The following SMYD3 variants were observed in gnomAD, a reference collection of about 807,000 sequenced individuals.
SMYD3 encodes the protein SET and MYND domain containing 3.
Under a neutral mutation model 57.7 loss-of-function variants are expected in SMYD3, and 36 were observed. The ratio of observed to expected loss-of-function variants is 0.62; its 90% CI spans 0.48 to 0.82. The LOEUF is 0.82. Ranked by LOEUF, SMYD3 falls within the 40% of genes least tolerant of loss-of-function variation. The probability of loss-of-function intolerance (pLI) is 0.00; values close to 1 mark genes in which losing one functional copy is unlikely to be tolerated. For synonymous variants in SMYD3, 211 were observed against 195.0 expected, an observed-to-expected ratio of 1.08 and a Z score of -0.68; for missense variants, 515 against 538.8, an observed-to-expected ratio of 0.96 and a Z score of 0.44.
chr1:245,877,333 G>T (rs2052543066), intron 8 of SMYD3, among the ~76,000 whole-genome samples: 1 of 152,186 alleles, frequency 6.6e-6, no homozygotes, highest in South Asian at 2.1e-4. Context: ...GGAGATAAAG[G>T]TTTAGATATG....
intron 1 of SMYD3, among the ~76,000 whole-genome samples, chr1:246,369,478 CA>C (rs1447303731): frequency 6.6e-6 from 1 of 152,168 alleles, no homozygotes; most frequent in Non-Finnish European, 1.5e-5. Flanking sequence ...TAGATGTGGT[CA>C]AAATTGTACA....
intron 5 of SMYD3, among the ~76,000 whole-genome samples, chr1:246,282,357 G>C (rs549760006): frequency 5.1e-4 from 71 of 139,966 alleles, no homozygotes; most frequent in African/African-American, 1.8e-3. Context: ...AAATTAGCTG[G>C]GGGTGGTGTT....
intron 5 of SMYD3, among the ~76,000 whole-genome samples, chr1:246,087,987 A>T (rs2787990): frequency 6.6e-6 from 1 of 151,906 alleles, no homozygotes; most frequent in East Asian, 1.9e-4. Context: ...AAAAACATAC[A>T]TCTCACTAAT....
intron 5 of SMYD3, among the ~76,000 whole-genome samples, chr1:246,060,599 A>G (rs748121836): frequency 6.6e-6 from 1 of 151,624 alleles, no homozygotes; most frequent in Non-Finnish European, 1.5e-5. Context: ...ATGATCCCTC[A>G]GTCATTACTA....
At chr1:246,176,775 G>A (rs1392277553) in intron 5 of SMYD3, among the ~76,000 whole-genome samples, 2 of 152,046 alleles carry the variant, frequency 1.3e-5, no homozygotes, top group Non-Finnish European at 2.9e-5. Context: ...TGCTCACCTC[G>A]GCCTCCCAAA....
chr1:246,237,507 C>T (rs72774484), intron 5 of SMYD3, among the ~76,000 whole-genome samples: 31,556 of 152,074 alleles, frequency 0.21, 3,994 homozygotes, highest in East Asian at 0.58. Context: ...TCTCTTCAGA[C>T]TGGATTTTAG....
chr1:246,377,561 G>T (rs966512552), intron 1 of SMYD3, among the ~76,000 whole-genome samples: 3 of 151,816 alleles, frequency 2.0e-5, no homozygotes, highest in Non-Finnish European at 4.4e-5. Context: ...TAGAGATAGG[G>T]TTTCTCCATG....
chr1:245,767,343 C>T (rs182880619), intron 10 of SMYD3, among the ~76,000 whole-genome samples: 14 of 152,226 alleles, frequency 9.2e-5, no homozygotes, highest in East Asian at 7.7e-4. Context: ...ATTCCGGGTC[C>T]GGCCCCATAA....
chr1:245,838,366 C>T (rs2050206017), intron 10 of SMYD3, among the ~76,000 whole-genome samples: 1 of 152,170 alleles, frequency 6.6e-6, no homozygotes, highest in Non-Finnish European at 1.5e-5. Context: ...GAATAGGCAT[C>T]AGTTGGAAGC....
Position 246,153,804 on chromosome 1 carries a change from C to G in SMYD3, c.531+173397G>C, listed in dbSNP as rs367878623. 7.0e-4 allele frequency among the ~76,000 whole-genome samples: 107 copies of G among 152,224 alleles called. No homozygotes were observed. The South Asian group carries it at 0.02, about 29-fold the overall frequency. ...CTATTTTAAACAATCCCACCTTTAA[C>G]CTCATTCACCTCTAGCTACAACACT... On this transcript the variant is annotated intron_variant, in intron 5 of 11. Transcript: ENST00000490107.
intron 5 of SMYD3, among the ~76,000 whole-genome samples, chr1:246,046,490 G>A (rs189771807): frequency 1.0e-3 from 158 of 152,020 alleles, no homozygotes; most frequent in African/African-American, 3.7e-3. Flanking sequence ...CGGTGGGAGT[G>A]GGGAGGGATA....
chr1:246,401,039 T>C (rs2066759436), intron 1 of SMYD3, among the ~76,000 whole-genome samples: 1 of 152,182 alleles, frequency 6.6e-6, no homozygotes, highest in African/African-American at 2.4e-5. Context: ...TTTTAAAAAG[T>C]ATTCGAGGCA....
intron 11 of SMYD3, among the ~76,000 whole-genome samples, chr1:245,759,880 A>G (rs1300283098): frequency 6.7e-6 from 1 of 149,920 alleles, no homozygotes; most frequent in Non-Finnish European, 1.5e-5. Flanking sequence ...TGCAGCATGC[A>G]GGGTTCACAG....
intron 1 of SMYD3, among the ~76,000 whole-genome samples, chr1:246,413,524 G>C (rs978214903): frequency 5.9e-5 from 9 of 152,248 alleles, no homozygotes; most frequent in Non-Finnish European, 1.2e-4. Flanking sequence ...ATCTCACGCT[G>C]AATTGTAATC....
At chr1:245,783,965 T>C (rs1249407274) in intron 10 of SMYD3, among the ~76,000 whole-genome samples, 1 of 152,244 alleles carries the variant, frequency 6.6e-6, no homozygotes, top group Admixed American at 6.5e-5. Context: ...TCTCTCCAAA[T>C]TGATATATAG....
chr1:246,338,044 T>C lies in SMYD3; in HGVS notation c.229-2570A>G, dbSNP rs538775237. Among the ~76,000 whole-genome samples, 41 of 152,298 alleles carry C rather than the reference T, an allele frequency of 2.7e-4. No individual in the cohort carries two copies. The South Asian group carries it at 8.3e-3, about 31-fold the overall frequency. ...ATTCCTAGATCATTGCCTGAAAACA[T>C]ACTTATTTTCTCATTTGCTTCAGCA... On this transcript the variant is annotated intron_variant, in intron 2 of 11. Coordinates refer to ENST00000490107, the MANE Select transcript of SMYD3 (RefSeq NM_001167740.2).
intron 10 of SMYD3, among the ~76,000 whole-genome samples, chr1:245,789,844 A>C (rs903833361): frequency 6.6e-6 from 1 of 152,254 alleles, no homozygotes; most frequent in African/African-American, 2.4e-5. Flanking sequence ...TGATTAAAGA[A>C]AAATTCCATC....
intron 1 of SMYD3, among the ~76,000 whole-genome samples, chr1:246,391,728 A>G (rs968594921): frequency 6.6e-6 from 1 of 152,144 alleles, no homozygotes; most frequent in African/African-American, 2.4e-5. Context: ...AAAGCTAAAT[A>G]TGTAAAAAGG....
intron 8 of SMYD3, among the ~76,000 whole-genome samples, chr1:245,880,243 T>A (rs2052707955): frequency 6.6e-6 from 1 of 152,252 alleles, no homozygotes; most frequent in Admixed American, 6.5e-5. Flanking sequence ...ATTATACAAG[T>A]ATATGGGGCA....
Sources: gnomAD v4.1 joint callset for allele counts (sites outside exome capture counted in the v4.1 genomes callset) on GRCh38, gnomAD v4.1.1 for gene constraint, MANE v1.5 for transcripts, NCBI Gene and HGNC (gene_info 2026-07-23, HGNC 2026-07-21) for gene names.